Variants in GNAI3 observed in about 807,000 individuals in gnomAD.
The protein encoded by GNAI3 is guanine nucleotide-binding protein G(i) subunit alpha-3.
In GNAI3, 12 loss-of-function variants were observed where a neutral mutation model predicts 41.8. The observed-to-expected ratio is 0.29, with a 90% confidence interval of 0.18 to 0.47. GNAI3 has a LOEUF of 0.47. GNAI3 is among the 20% of genes least tolerant of loss of function. GNAI3 has a pLI of 1.00. For synonymous variants in GNAI3, 132 were observed against 146.5 expected (o/e 0.90, Z 0.71); for missense variants, 360 against 429.6 (o/e 0.84, Z 1.43).
chr1:109,572,856 T>G (rs1422467490), intron 1 of GNAI3, among the ~76,000 whole-genome samples: 1 of 152,158 alleles, frequency 6.6e-6, no homozygotes, highest in Non-Finnish European at 1.5e-5. Flanking sequence ...AAAATGAAGG[T>G]GCATAAGGGG....
rs537039343 is a variant in GNAI3, at chr1:109,560,587, G to A, written c.118+11749G>A. On this transcript the variant is annotated intron_variant, in intron 1 of 8. Transcript: ENST00000369851. The stretch of plus-strand genomic sequence containing the variant: ...GTCTCTACAAAAAATTTGACAGAGT[G>A]AGATCCTGTCTCTTAAAAAAAATCA... Among the ~76,000 whole-genome samples the A allele has an allele frequency of 2.6e-5, 4 of 152,246 alleles. No homozygotes were observed. In the East Asian group the frequency reaches 7.7e-4, roughly 29 times the overall value.
intron 1 of GNAI3, among the ~76,000 whole-genome samples, chr1:109,558,370 C>T (rs185258099): frequency 1.3e-5 from 2 of 152,110 alleles, no homozygotes; most frequent in Non-Finnish European, 2.9e-5. Context: ...TTGCAGTCAG[C>T]TGAGGTGGAA....
chr1:109,586,716 A>G lies in GNAI3; in HGVS notation c.721-13A>G. The G allele has an allele frequency of 6.3e-7, 1 of 1,578,330 alleles. No homozygotes were observed. The highest frequency in any genetic ancestry group is 8.6e-7 in the Non-Finnish European group (1 of 1,158,982). ...ATTTGCTACTGACCTATCATCCTTT[A>G]TTTCTTTTTCAGAACCGAATGCATG... On this transcript the variant is annotated splice_polypyrimidine_tract_variant and intron_variant, in intron 6 of 8. Transcript: ENST00000369851.
At chr1:109,559,401 T>TAATC (rs996392353) in intron 1 of GNAI3, among the ~76,000 whole-genome samples, 2 of 152,204 alleles carry the variant, frequency 1.3e-5, no homozygotes, top group Non-Finnish European at 2.9e-5. Context: ...ACTGAGAGAT[T>TAATC]AGTCCTTATC....
intron 1 of GNAI3, among the ~76,000 whole-genome samples, chr1:109,555,951 A>AGTGCGTGCATGC (rs1553222487): frequency 2.0e-4 from 23 of 117,314 alleles, no homozygotes; most frequent in Non-Finnish European, 3.0e-4. Context: ...TGGGGAAAGG[A>AGTGCGTGCATGC]GTGCGTGCGT....
chr1:109,560,838 T>C (rs1172270434), intron 1 of GNAI3, among the ~76,000 whole-genome samples: 1 of 152,178 alleles, frequency 6.6e-6, no homozygotes, highest in African/African-American at 2.4e-5. Flanking sequence ...TGTGAGCCAC[T>C]GCATCTGACC....
At chr1:109,586,488 T>C in intron 6 of GNAI3, 143 bp downstream of exon 6, 2 of 868,648 alleles carry the variant, frequency 2.3e-6, no homozygotes, top group Non-Finnish European at 3.5e-6. Context: ...CCTATTACTC[T>C]AAAAAAGATG....
At chr1:109,587,570 A>G (rs1056515612) in intron 7 of GNAI3, among the ~76,000 whole-genome samples, 4 of 152,190 alleles carry the variant, frequency 2.6e-5, no homozygotes, top group African/African-American at 9.6e-5. Context: ...GGAGGTAGGA[A>G]AATGGTATGA....
chr1:109,556,076 G>A (rs913123180), intron 1 of GNAI3, among the ~76,000 whole-genome samples: 3 of 146,084 alleles, frequency 2.1e-5, no homozygotes, highest in African/African-American at 5.2e-5. Context: ...TTACTCTGTC[G>A]CCCAGGCTGG....
At chr1:109,549,834 T>G (rs578083015) in intron 1 of GNAI3, among the ~76,000 whole-genome samples, 1 of 152,376 alleles carries the variant, frequency 6.6e-6, no homozygotes, top group African/African-American at 2.4e-5. Flanking sequence ...TGGCTTTTTT[T>G]AAACACAGTC....
rs367994908 is a variant in GNAI3 at position 109,570,752 on chromosome 1, A to G, written c.119-2985A>G. 8.5e-4 allele frequency among the ~76,000 whole-genome samples: 130 copies of G among 152,364 alleles called. No homozygotes were observed. In the South Asian group the frequency reaches 0.025, roughly 29 times the overall value. ...AGCTGTGAGGACAAAGTGGAGAGTA[A>G]CAAGAGATGAGGGTGAAGAGGTAGG... On this transcript the variant is annotated intron_variant, in intron 1 of 8. Transcript: ENST00000369851.
At position 109,586,867 on chromosome 1, in the gene GNAI3, T is replaced by C; in HGVS notation, c.859T>C (p.Tyr287His). 6.3e-7 allele frequency: 1 copy of C among 1,599,646 alleles called. No individual in the cohort carries two copies. The highest frequency in any genetic ancestry group is 8.6e-7 in the Non-Finnish European group (1 of 1,167,244). The change falls in exon 7 of 9, where the codon TAT (tyrosine) becomes CAT (histidine). Residue 287 changes from tyrosine (Y) to histidine (H), a missense_variant. Tyr to His is a moderately conservative substitution (Grantham distance 83, BLOSUM62 2). Transcript: ENST00000369851. ...KIKRSPLTIC[Y>H]PEYTGSNTYE... ...AAAGAGGAGTCCGTTAACTATCTGT[T>C]ATCCAGAATACACAGGTAAGGGGTT...
intron 1 of GNAI3, among the ~76,000 whole-genome samples, chr1:109,568,977 C>T (rs1254396217): frequency 1.3e-5 from 2 of 152,158 alleles, no homozygotes; most frequent in African/African-American, 4.8e-5. Flanking sequence ...TAGGTGTGAA[C>T]CAACCATTCC....
chr1:109,555,951 A>AGTGCGTGCGTGCGTGCGTGCGTGC (rs567621395), intron 1 of GNAI3, among the ~76,000 whole-genome samples: 1 of 117,400 alleles, frequency 8.5e-6, no homozygotes, highest in Non-Finnish European at 1.9e-5. Context: ...TGGGGAAAGG[A>AGTGCGTGCGTGCGTGCGTGCGTGC]GTGCGTGCGT....
rs1377973956 is a variant in GNAI3 at position 109,599,601 on chromosome 1, CTT to C, written c.*7281_*7282del. 2 of 152,152 alleles carry C rather than the reference CTT, an allele frequency of 1.3e-5. No individual in the cohort carries two copies. Among genetic ancestry groups the C allele is most frequent in the Non-Finnish European group, 2.9e-5 (2 of 68,042 alleles). 9.4% of individuals were successfully genotyped at this position (152,152 alleles called of 1,614,324 possible). ...ATTTGATTTACTGTTAGTAATGTCTCTTTAATCATGCTATGCTAGGGAAGTAC... is the reference window on the plus strand; with the variant it reads ...ATTTGATTTACTGTTAGTAATGTCTCTAATCATGCTATGCTAGGGAAGTAC... On this transcript the variant is annotated 3_prime_UTR_variant, in exon 9 of 9. Coordinates refer to ENST00000369851, the MANE Select transcript of GNAI3 (RefSeq NM_006496.4).
chr1:109,598,903 G>C lies in GNAI3; in HGVS notation c.*6581G>C. ...AATCTGTGCTCTGGGGGCTGTGCCGGGTAGAGAGGGCAGTGGGAGGTAAGA... is the reference window on the plus strand; with the variant it reads ...AATCTGTGCTCTGGGGGCTGTGCCGCGTAGAGAGGGCAGTGGGAGGTAAGA... On this transcript the variant is annotated 3_prime_UTR_variant, in exon 9 of 9. Transcript: ENST00000369851. The C allele has an allele frequency of 1.9e-6, 1 of 534,794 alleles. No individual in the cohort carries two copies. The highest frequency in any genetic ancestry group is 1.4e-5 in the South Asian group (1 of 71,730). The allele number at this position is 534,794 out of a possible 1,614,324, so 33.1% of individuals were successfully genotyped here.
chr1:109,552,452 A>C (rs1261661666), intron 1 of GNAI3, among the ~76,000 whole-genome samples: 1 of 152,088 alleles, frequency 6.6e-6, no homozygotes, highest in African/African-American at 2.4e-5. Flanking sequence ...CTATTTAAAC[A>C]ATTAGAGATG....
chr1:109,551,770 A>G (rs555285701), intron 1 of GNAI3, among the ~76,000 whole-genome samples: 17 of 152,232 alleles, frequency 1.1e-4, no homozygotes, highest in Non-Finnish European at 2.2e-4. Context: ...TATGGAAATT[A>G]TACCAAATTA....
chr1:109,554,459 T>C (rs1049890852), intron 1 of GNAI3, among the ~76,000 whole-genome samples: 5 of 152,198 alleles, frequency 3.3e-5, no homozygotes, highest in Non-Finnish European at 5.9e-5. Flanking sequence ...TGATTTGTAG[T>C]TCCTGATAAT....
Sources: allele counts gnomAD v4.1 joint callset (sites outside exome capture counted in the v4.1 genomes callset), GRCh38; gene constraint gnomAD v4.1.1; transcripts MANE v1.5; gene names NCBI Gene and HGNC (gene_info 2026-07-23, HGNC 2026-07-21).